The following HMBOX1 variants were observed in gnomAD, a reference collection of about 807,000 sequenced individuals.
HMBOX1 encodes homeobox-containing protein 1.
A neutral mutation model predicts 54.5 loss-of-function variants in HMBOX1; 14 were observed. The observed-to-expected ratio is 0.26, with a 90% confidence interval of 0.17 to 0.40. The LOEUF (loss-of-function observed/expected upper bound fraction) is 0.40, where lower values mean the gene tolerates loss of function less well. Among genes scored for constraint, HMBOX1 ranks in the 10% least tolerant of loss-of-function variants. The pLI is 1.00. For missense variants in HMBOX1, 332 were observed against 514.4 expected, an observed-to-expected ratio of 0.65 and a Z score of 3.43; for synonymous variants, 160 against 181.0, an observed-to-expected ratio of 0.88 and a Z score of 0.93.
chr8:29,016,906 G>A (rs1051590307), intron 5 of HMBOX1, among the ~76,000 whole-genome samples: 3 of 152,220 alleles, frequency 2.0e-5, no homozygotes, highest in East Asian at 1.9e-4. Flanking sequence ...GCTGTTGGTC[G>A]CACAGCCTAA....
At chr8:28,932,588 T>C (rs1055253483) in intron 1 of HMBOX1, among the ~76,000 whole-genome samples, 3 of 152,232 alleles carry the variant, frequency 2.0e-5, no homozygotes, top group African/African-American at 7.2e-5. Context: ...TTTCCCCTTA[T>C]TATCAAACCT....
chr8:28,987,692 A>G (rs996944045), intron 4 of HMBOX1, among the ~76,000 whole-genome samples: 3 of 152,192 alleles, frequency 2.0e-5, no homozygotes, highest in African/African-American at 7.2e-5. Flanking sequence ...ATGTAACACT[A>G]TATTTAGTGT....
intron 4 of HMBOX1, among the ~76,000 whole-genome samples, chr8:29,000,980 A>G (rs1255906033): frequency 6.6e-6 from 1 of 152,216 alleles, no homozygotes; most frequent in Non-Finnish European, 1.5e-5. Flanking sequence ...AATTGTTGAC[A>G]GTGCTTTTAT....
chr8:29,049,425 G>C, intron 9 of HMBOX1: 3 of 1,521,114 alleles, frequency 2.0e-6, no homozygotes, highest in Non-Finnish European at 2.6e-6. Flanking sequence ...CACACACTCA[G>C]TGTTTGAGAA....
At chr8:28,998,648 TA>T (rs1164924202) in intron 4 of HMBOX1, among the ~76,000 whole-genome samples, 2 of 152,138 alleles carry the variant, frequency 1.3e-5, no homozygotes, top group Non-Finnish European at 2.9e-5. Context: ...TTAATTATGA[TA>T]AGGAAGAATT....
chr8:28,960,433 C>T (rs531455860), intron 1 of HMBOX1, among the ~76,000 whole-genome samples: 7 of 150,302 alleles, frequency 4.7e-5, no homozygotes, highest in Non-Finnish European at 8.9e-5. Context: ...TTTGTTTTAC[C>T]GTGTTTGTGA....
At chr8:28,935,820 A>G (rs1820314380) in intron 1 of HMBOX1, among the ~76,000 whole-genome samples, 1 of 152,134 alleles carries the variant, frequency 6.6e-6, no homozygotes, top group Non-Finnish European at 1.5e-5. Context: ...ATAGTATAGA[A>G]AAGAGTGTAC....
intron 3 of HMBOX1, among the ~76,000 whole-genome samples, chr8:28,976,454 T>C (rs1391508678): frequency 6.6e-6 from 1 of 152,138 alleles, no homozygotes; most frequent in Non-Finnish European, 1.5e-5. Context: ...GGCGCAATCT[T>C]GGCTCACTGC....
chr8:28,960,446 A>G (rs1825257496), intron 1 of HMBOX1, among the ~76,000 whole-genome samples: 1 of 151,842 alleles, frequency 6.6e-6, no homozygotes, highest in South Asian at 2.1e-4. Flanking sequence ...GTTTGTGATC[A>G]ATTATGGTAA....
intron 1 of HMBOX1, among the ~76,000 whole-genome samples, chr8:28,893,889 A>G (rs1049013949): frequency 6.6e-6 from 1 of 152,150 alleles, no homozygotes; most frequent in South Asian, 2.1e-4. Flanking sequence ...TGTTCATTTC[A>G]TTGTAGCTCT....
intron 7 of HMBOX1, chr8:29,046,268 C>T (rs1805550990): frequency 1.3e-5 from 2 of 152,362 alleles, no homozygotes; most frequent in Non-Finnish European, 1.5e-5. Context: ...TACCCTGTTT[C>T]AAACATGCCA....
At chr8:28,944,333 C>T (rs1034869772) in intron 1 of HMBOX1, among the ~76,000 whole-genome samples, 6 of 152,164 alleles carry the variant, frequency 3.9e-5, no homozygotes, top group African/African-American at 9.7e-5. Context: ...AAAATACAGA[C>T]ATTTGTTATG....
chr8:28,926,468 T>C (rs938230635), intron 1 of HMBOX1, among the ~76,000 whole-genome samples: 4 of 152,320 alleles, frequency 2.6e-5, no homozygotes, highest in Admixed American at 2.0e-4. Context: ...AACAACCTCA[T>C]GACTTATTCC....
At chr8:28,960,765 C>CTTTTTTTTTTTTTTTTTTTTTTTTTTTTT (rs1162477676) in intron 1 of HMBOX1, among the ~76,000 whole-genome samples, 4 of 16,260 alleles carry the variant, frequency 2.5e-4, no homozygotes, top group Non-Finnish European at 2.6e-4. Flanking sequence ...TTTTCTTTTT[C>CTTTTTTTTTTTTTTTTTTTTTTTTTTTTT]TTTTTTTTTT....
chr8:28,983,316 G>A (rs1829695795), intron 4 of HMBOX1, among the ~76,000 whole-genome samples: 1 of 152,002 alleles, frequency 6.6e-6, no homozygotes, highest in African/African-American at 2.4e-5. Context: ...TATTCAGTAT[G>A]CCCCCAGCTG....
Position 28,927,831 on chromosome 8 carries a change from C to CAAA in HMBOX1, c.-57-35958_-57-35956dup, listed in dbSNP as rs34952149. Among the ~76,000 whole-genome samples, 228 of 52,436 alleles carry CAAA rather than the reference C, an allele frequency of 4.3e-3. 3 individuals are homozygous for CAAA. The highest frequency in any genetic ancestry group is 5.0e-3 in the Non-Finnish European group (155 of 30,700). 34.4% of individuals were successfully genotyped at this position (52,436 alleles called of 152,430 possible). On this transcript the variant is annotated intron_variant, in intron 1 of 9. Coordinates refer to ENST00000287701, the MANE Select transcript of HMBOX1 (RefSeq NM_001135726.3). The stretch of plus-strand genomic sequence containing the variant: ...GGGCAACAAAAGCGAAACTCAGTCT[C>CAAA]AAAAAAAAAAAAAAAAAAAAAAAAG...
chr8:28,904,390 G>A (rs1234062810), intron 1 of HMBOX1, among the ~76,000 whole-genome samples: 1 of 151,680 alleles, frequency 6.6e-6, no homozygotes, highest in Non-Finnish European at 1.5e-5. Context: ...GCGCCACCAT[G>A]CCCAGCCGAT....
chr8:28,932,165 G>C (rs903713445), intron 1 of HMBOX1, among the ~76,000 whole-genome samples: 4 of 152,198 alleles, frequency 2.6e-5, no homozygotes, highest in African/African-American at 9.6e-5. Flanking sequence ...TATCTAAAAG[G>C]AGGAATGGGC....
intron 1 of HMBOX1, among the ~76,000 whole-genome samples, chr8:28,933,242 G>A (rs986889175): frequency 4.6e-5 from 7 of 152,082 alleles, no homozygotes; most frequent in Admixed American, 2.6e-4. Flanking sequence ...ATACCTGTTT[G>A]CAACCACACT....
Sources: gnomAD v4.1 joint callset for allele counts (sites outside exome capture counted in the v4.1 genomes callset) on GRCh38, gnomAD v4.1.1 for gene constraint, MANE v1.5 for transcripts, NCBI Gene and HGNC (gene_info 2026-07-23, HGNC 2026-07-21) for gene names.